MARK3: variants seen among roughly 807,000 people sequenced by gnomAD.
MARK3 encodes the protein MAP/microtubule affinity-regulating kinase 3.
A neutral mutation model predicts 90.1 loss-of-function variants in MARK3; 46 were observed. The observed-to-expected ratio is 0.51, with a 90% confidence interval of 0.40 to 0.65. The LOEUF (loss-of-function observed/expected upper bound fraction) is 0.65, where lower values mean the gene tolerates loss of function less well. Ranked by LOEUF, MARK3 falls within the 30% of genes least tolerant of loss-of-function variation. The pLI is 0.00. For missense variants in MARK3, 818 were observed against 947.2 expected (o/e 0.86, Z 1.79); for synonymous variants, 321 against 332.6 (o/e 0.97, Z 0.38).
At chr14:103,413,579 C>T (rs2091787537) in intron 2 of MARK3, among the ~76,000 whole-genome samples, 2 of 151,142 alleles carry the variant, frequency 1.3e-5, no homozygotes, top group African/African-American at 4.8e-5. Flanking sequence ...CACAGTACCG[C>T]ACCTGGCTTA....
intron 6 of MARK3, among the ~76,000 whole-genome samples, chr14:103,460,913 A>G (rs1258432328): frequency 6.6e-6 from 1 of 152,206 alleles, no homozygotes; most frequent in Non-Finnish European, 1.5e-5. Context: ...GTTTTTTGGC[A>G]TTGGAATTTT....
chr14:103,477,392 T>C (rs1009589863), intron 13 of MARK3, among the ~76,000 whole-genome samples: 3 of 152,068 alleles, frequency 2.0e-5, no homozygotes, highest in African/African-American at 7.2e-5. Flanking sequence ...TTCGGGAGGC[T>C]GAGGCAGGAG....
chr14:103,462,267 G>T, intron 6 of MARK3, 138 bp from the exon 7 acceptor site: 1 of 557,920 alleles, frequency 1.8e-6, no homozygotes, highest in South Asian at 3.3e-5. Flanking sequence ...CAAGGCATAG[G>T]AAAATTGTTT....
intron 12 of MARK3, among the ~76,000 whole-genome samples, chr14:103,471,505 C>T (rs1263836322): frequency 2.6e-5 from 4 of 152,192 alleles, no homozygotes; most frequent in African/African-American, 9.7e-5. Flanking sequence ...ATTGGAGTAG[C>T]TTTTTCATAA....
chr14:103,447,173 A>T (rs144845132), intron 3 of MARK3, among the ~76,000 whole-genome samples: 2,772 of 152,242 alleles, frequency 0.018, 45 homozygotes, highest in South Asian at 0.052. Flanking sequence ...AGTGGCCCAC[A>T]CCTGTGATCC....
intron 14 of MARK3, 26 bp from the exon 15 acceptor site, chr14:103,491,751 G>A (rs745398096): frequency 1.2e-6 from 2 of 1,608,960 alleles, no homozygotes; most frequent in South Asian, 2.2e-5. Context: ...CATGTTCTGA[G>A]AGCTTCTTAC....
intron 7 of MARK3, among the ~76,000 whole-genome samples, chr14:103,463,484 A>C (rs1181782691): frequency 6.6e-6 from 1 of 152,148 alleles, no homozygotes; most frequent in Non-Finnish European, 1.5e-5. Context: ...AGCAGGTTCA[A>C]ATCCTATAAA....
At chr14:103,464,889 G>A (rs1170279307) in intron 7 of MARK3, among the ~76,000 whole-genome samples, 3 of 152,116 alleles carry the variant, frequency 2.0e-5, no homozygotes, top group African/African-American at 7.2e-5. Context: ...TGTAGAGAAA[G>A]GGTCTCACTA....
At chr14:103,424,237 A>G (rs2092324275) in intron 2 of MARK3, among the ~76,000 whole-genome samples, 1 of 151,840 alleles carries the variant, frequency 6.6e-6, no homozygotes, top group East Asian at 1.9e-4. Context: ...CAGAATCAGA[A>G]TCTTTGGAAT....
intron 14 of MARK3, among the ~76,000 whole-genome samples, chr14:103,481,112 G>C (rs986953903): frequency 2.0e-5 from 3 of 152,152 alleles, no homozygotes; most frequent in Non-Finnish European, 2.9e-5. Context: ...TGATTTTCTT[G>C]GGGTTTTGAA....
At chr14:103,448,340 G>A (rs1053815708) in intron 3 of MARK3, among the ~76,000 whole-genome samples, 61 of 152,062 alleles carry the variant, frequency 4.0e-4, no homozygotes, top group African/African-American at 1.4e-3. Flanking sequence ...CAATATGAAG[G>A]GGGCACTCCA....
chr14:103,414,262 A>T (rs1042762170), intron 2 of MARK3, among the ~76,000 whole-genome samples: 1 of 149,800 alleles, frequency 6.7e-6, no homozygotes, highest in African/African-American at 2.5e-5. Context: ...CTGGAGTGCA[A>T]TGGCTCAATC....
At chr14:103,500,951 G>T (rs1161774316) in intron 17 of MARK3, among the ~76,000 whole-genome samples, 1 of 152,140 alleles carries the variant, frequency 6.6e-6, no homozygotes, top group Non-Finnish European at 1.5e-5. Context: ...AGTTATCATT[G>T]CATGGATTTG....
chr14:103,473,742 T>C (rs991540292), intron 12 of MARK3, among the ~76,000 whole-genome samples: 1 of 152,174 alleles, frequency 6.6e-6, no homozygotes, highest in African/African-American at 2.4e-5. Flanking sequence ...ATTTATTTAT[T>C]GAGACAGGTT....
chr14:103,475,598 G>T (rs2093700533), intron 13 of MARK3, among the ~76,000 whole-genome samples: 2 of 152,288 alleles, frequency 1.3e-5, no homozygotes, highest in Admixed American at 1.3e-4. Context: ...ATGCTGTGTT[G>T]TCATGTGGCT....
At chr14:103,463,661 C>G (rs553177975) in intron 7 of MARK3, among the ~76,000 whole-genome samples, 1 of 152,320 alleles carries the variant, frequency 6.6e-6, no homozygotes, top group East Asian at 1.9e-4. Flanking sequence ...ACCATTATCT[C>G]ATAGGTGATT....
chr14:103,414,386 G>A (rs2091840861), intron 2 of MARK3, among the ~76,000 whole-genome samples: 1 of 151,930 alleles, frequency 6.6e-6, no homozygotes, highest in Non-Finnish European at 1.5e-5. Context: ...TGTATTTTTA[G>A]TAAAGACAGA....
chr14:103,420,696 T>C (rs2092175379), intron 2 of MARK3, among the ~76,000 whole-genome samples: 1 of 152,210 alleles, frequency 6.6e-6, no homozygotes, highest in Non-Finnish European at 1.5e-5. Context: ...TTTTGTGGTT[T>C]CTATATTTGC....
At chr14:103,437,298 G>A (rs991837714) in intron 3 of MARK3, among the ~76,000 whole-genome samples, 2 of 151,992 alleles carry the variant, frequency 1.3e-5, no homozygotes, top group African/African-American at 4.8e-5. Flanking sequence ...GGAAGCTGAG[G>A]CAGGAAAATG....
Sources: gnomAD v4.1 joint callset for allele counts (sites outside exome capture counted in the v4.1 genomes callset) on GRCh38, gnomAD v4.1.1 for gene constraint, MANE v1.5 for transcripts, NCBI Gene and HGNC (gene_info 2026-07-23, HGNC 2026-07-21) for gene names.